Variants in CCSER1 observed in about 807,000 individuals in gnomAD.
The protein encoded by CCSER1 is coiled-coil serine rich protein 1, also known as serine-rich coiled-coil domain-containing protein 1.
In CCSER1, 41 loss-of-function variants were observed where a neutral mutation model predicts 82.0. The observed-to-expected ratio is 0.50, with a 90% confidence interval of 0.39 to 0.65. CCSER1 has a LOEUF of 0.65. Ranked by LOEUF, CCSER1 falls within the 30% of genes least tolerant of loss-of-function variation. CCSER1 has a pLI of 0.00. For missense variants in CCSER1, 1,119 were observed against 1,064.2 expected (o/e 1.05, Z -0.72); for synonymous variants, 414 against 383.9 (o/e 1.08, Z -0.92).
intron 5 of CCSER1, among the ~76,000 whole-genome samples, chr4:90,536,351 G>T (rs528395733): frequency 6.6e-6 from 1 of 152,180 alleles, no homozygotes; most frequent in South Asian, 2.1e-4. Context: ...CCATTTTTAT[G>T]AATACTTTAC....
intron 10 of CCSER1, among the ~76,000 whole-genome samples, chr4:91,320,652 T>C (rs1054649447): frequency 4.6e-5 from 7 of 152,052 alleles, no homozygotes; most frequent in African/African-American, 7.2e-5. Context: ...CAGTATTTAA[T>C]ATTTAAATGC....
chr4:91,107,839 G>T (rs1480084501), intron 10 of CCSER1, among the ~76,000 whole-genome samples: 1 of 152,066 alleles, frequency 6.6e-6, no homozygotes, highest in Non-Finnish European at 1.5e-5. Flanking sequence ...TTAAGGTTGG[G>T]CAGTGCTGGG....
At chr4:91,423,212 G>C (rs1211165547) in intron 10 of CCSER1, among the ~76,000 whole-genome samples, 1 of 151,644 alleles carries the variant, frequency 6.6e-6, no homozygotes, top group South Asian at 2.1e-4. Flanking sequence ...GATCACCTGA[G>C]GTCAGGAGTT....
At chr4:91,255,466 T>C (rs905049843) in intron 10 of CCSER1, among the ~76,000 whole-genome samples, 1 of 152,174 alleles carries the variant, frequency 6.6e-6, no homozygotes, top group Non-Finnish European at 1.5e-5. Flanking sequence ...AAACTACTTT[T>C]AGCATTTTAA....
intron 5 of CCSER1, among the ~76,000 whole-genome samples, chr4:90,529,142 A>G (rs1394019375): frequency 1.3e-5 from 2 of 152,228 alleles, no homozygotes; most frequent in African/African-American, 4.8e-5. Flanking sequence ...TCCAGATTTT[A>G]TGTTGTAGTA....
intron 9 of CCSER1, among the ~76,000 whole-genome samples, chr4:91,023,807 T>C (rs1740236273): frequency 1.3e-5 from 2 of 152,150 alleles, no homozygotes. Context: ...AATTGACAAA[T>C]ATATTGAAAC....
intron 10 of CCSER1, among the ~76,000 whole-genome samples, chr4:91,086,715 C>T (rs2148818095): frequency 6.6e-6 from 1 of 152,184 alleles, no homozygotes; most frequent in Middle Eastern, 3.4e-3. Context: ...AAAAATCTTA[C>T]TGTCCTCTCC....
intron 8 of CCSER1, among the ~76,000 whole-genome samples, chr4:90,833,886 A>C (rs1014969728): frequency 4.6e-5 from 7 of 152,062 alleles, no homozygotes; most frequent in African/African-American, 1.7e-4. Context: ...TCAATTGGAG[A>C]GTGGGTTATT....
chr4:90,814,937 AG>A (rs754303071), intron 7 of CCSER1, among the ~76,000 whole-genome samples: 3 of 152,158 alleles, frequency 2.0e-5, no homozygotes, highest in Non-Finnish European at 4.4e-5. Flanking sequence ...CCAGTTTCAA[AG>A]GTGCTTCCAC....
intron 9 of CCSER1, among the ~76,000 whole-genome samples, chr4:91,008,927 C>T (rs1486063163): frequency 6.6e-6 from 1 of 152,168 alleles, no homozygotes; most frequent in Non-Finnish European, 1.5e-5. Context: ...AGCTGTGGGT[C>T]ACAGAAGAGA....
chr4:90,483,273 C>T (rs1275114717), intron 5 of CCSER1, among the ~76,000 whole-genome samples: 1 of 152,180 alleles, frequency 6.6e-6, no homozygotes, highest in Admixed American at 6.5e-5. Flanking sequence ...TGTCTCTGCA[C>T]ATGAGATGGG....
intron 3 of CCSER1, among the ~76,000 whole-genome samples, chr4:90,359,845 A>G (rs907666883): frequency 1.3e-5 from 2 of 150,274 alleles, no homozygotes; most frequent in Admixed American, 1.3e-4. Flanking sequence ...ATGTGTATAT[A>G]TATGTGTGTA....
At chr4:90,881,019 C>T (rs991137073) in intron 8 of CCSER1, among the ~76,000 whole-genome samples, 12 of 148,130 alleles carry the variant, frequency 8.1e-5, no homozygotes, top group African/African-American at 2.8e-4. Flanking sequence ...TGCTTCTAGT[C>T]GACCATCTTG....
At chr4:90,276,873 A>T (rs1464225518) in intron 1 of CCSER1, among the ~76,000 whole-genome samples, 2 of 151,990 alleles carry the variant, frequency 1.3e-5, no homozygotes, top group African/African-American at 4.8e-5. Flanking sequence ...ATTGTAAATG[A>T]GATTGTGTTC....
intron 7 of CCSER1, among the ~76,000 whole-genome samples, chr4:90,783,868 A>G (rs1438427456): frequency 6.6e-6 from 1 of 152,200 alleles, no homozygotes; most frequent in Non-Finnish European, 1.5e-5. Context: ...GTAAGATTAT[A>G]GAATGTTTTC....
rs370616330 is a variant in CCSER1 at position 90,309,298 on chromosome 4, G to C, written c.1014G>C (p.Pro338=). ...GTAGCACTGAATCTAATTCATTACC[G>C]GAAACCTCTGCTGCTAATCAGAAGG... ...GQCSTESNSL[P]ETSAANQKEV... is the part of the protein sequence containing the mutation. Residue 338 remains proline, a synonymous_variant, in exon 2 of 11, where the codon CCG becomes CCC. Transcript: ENST00000509176. 1 of 1,613,638 alleles carries C rather than the reference G, an allele frequency of 6.2e-7. No homozygotes were observed. The highest frequency in any genetic ancestry group is 8.5e-7 in the Non-Finnish European group (1 of 1,179,802).
chr4:90,748,916 A>C (rs972164796), intron 7 of CCSER1, among the ~76,000 whole-genome samples: 4 of 150,460 alleles, frequency 2.7e-5, no homozygotes, highest in Admixed American at 6.6e-5. Flanking sequence ...TGTTTAAGTT[A>C]ATTGTAGATT....
chr4:90,733,295 C>T (rs1347840300), intron 7 of CCSER1, among the ~76,000 whole-genome samples: 1 of 152,142 alleles, frequency 6.6e-6, no homozygotes, highest in Non-Finnish European at 1.5e-5. Context: ...TGATGTTGAG[C>T]ACCTTTTGAT....
At chr4:91,505,484 G>C (rs2110102738) in intron 10 of CCSER1, among the ~76,000 whole-genome samples, 1 of 152,316 alleles carries the variant, frequency 6.6e-6, no homozygotes, top group African/African-American at 2.4e-5. Context: ...TAGGTCAAAT[G>C]ATATTTCTGG....
Sources: allele counts gnomAD v4.1 joint callset (sites outside exome capture counted in the v4.1 genomes callset), GRCh38; gene constraint gnomAD v4.1.1; transcripts MANE v1.5; gene names NCBI Gene and HGNC (gene_info 2026-07-23, HGNC 2026-07-21).